TRPM3: variants seen among roughly 807,000 people sequenced by gnomAD.
The protein encoded by TRPM3 is transient receptor potential cation channel subfamily M member 3.
Under a neutral mutation model 181.2 loss-of-function variants are expected in TRPM3, and 77 were observed. The observed-to-expected ratio is 0.42, with a 90% CI of 0.35 to 0.51. The LOEUF (loss-of-function observed/expected upper bound fraction) is 0.51, where lower values mean the gene tolerates loss of function less well. Among genes scored for constraint, TRPM3 ranks in the 20% least tolerant of loss-of-function variants. The pLI is 0.01. For synonymous variants in TRPM3, 745 were observed against 796.4 expected, an observed-to-expected ratio of 0.94 and a Z score of 1.09; for missense variants, 1,759 against 2,196.7, an observed-to-expected ratio of 0.80 and a Z score of 3.98.
intron 1 of TRPM3, among the ~76,000 whole-genome samples, chr9:71,195,576 C>A (rs2078298896): frequency 6.6e-6 from 1 of 152,006 alleles, no homozygotes; most frequent in South Asian, 2.1e-4. Context: ...AAAAATAGAA[C>A]TACCATTCAA....
At chr9:71,008,253 T>C (rs1024029072) in intron 1 of TRPM3, among the ~76,000 whole-genome samples, 2 of 151,488 alleles carry the variant, frequency 1.3e-5, no homozygotes, top group Non-Finnish European at 2.9e-5. Context: ...CAATAACGAG[T>C]AACAAGAATG....
rs1182068022 is a variant in TRPM3 at position 70,692,415 on chromosome 9, C to T, written c.1273-10837G>A. On this transcript the variant is annotated intron_variant, in intron 8 of 25. Transcript: ENST00000677713. ...AGTTTGGGGCTTTTGTCATAAATTGCCTCGTAGCTAGAAATGAGTATTTTA... is the reference window on the plus strand; with the variant it reads ...AGTTTGGGGCTTTTGTCATAAATTGTCTCGTAGCTAGAAATGAGTATTTTA... Among the ~76,000 whole-genome samples the T allele has an allele frequency of 3.3e-5, 5 of 152,028 alleles. No individual in the cohort carries two copies. In the South Asian group the frequency reaches 1.0e-3, roughly 32 times the overall value.
chr9:71,203,684 T>C (rs1434114443), intron 1 of TRPM3, among the ~76,000 whole-genome samples: 3 of 152,158 alleles, frequency 2.0e-5, no homozygotes, highest in African/African-American at 7.2e-5. Context: ...TATCTACCTC[T>C]TAGGGTTGTT....
rs1011218746 is a variant in TRPM3, at chr9:70,823,771, A to C, written c.973+4076T>G. 5.2e-5 allele frequency among the ~76,000 whole-genome samples: 8 copies of C among 152,382 alleles called. 1 individual carries two copies. The South Asian group carries it at 1.2e-3, about 24-fold the overall frequency. ...ATGACTGGTACTTAGTAGGAATTCG[A>C]TAAGTATTTACTTACTAAAGGAATG... On this transcript the variant is annotated intron_variant, in intron 6 of 25. Coordinates refer to ENST00000677713, the MANE Select transcript of TRPM3 (RefSeq NM_001366145.2).
intron 1 of TRPM3, among the ~76,000 whole-genome samples, chr9:71,439,560 T>A (rs2094103470): frequency 6.6e-6 from 1 of 152,156 alleles, no homozygotes; most frequent in African/African-American, 2.4e-5. Flanking sequence ...GTTAATACAG[T>A]CTTAGATCGG....
At chr9:71,394,551 A>T (rs537649331) in intron 1 of TRPM3, among the ~76,000 whole-genome samples, 1 of 152,226 alleles carries the variant, frequency 6.6e-6, no homozygotes. Flanking sequence ...GCACAGGCAT[A>T]TAAGTCAGCC....
intron 1 of TRPM3, among the ~76,000 whole-genome samples, chr9:71,237,969 C>G (rs1005353725): frequency 2.6e-5 from 4 of 152,144 alleles, no homozygotes; most frequent in African/African-American, 9.7e-5. Context: ...CATCTTAATA[C>G]TATTGCATTG....
At position 70,532,002 on chromosome 9, in the gene TRPM3, T is replaced by G. The variant is rs1293939804; in HGVS notation, c.*3951A>C. ...TTATTGAATGTTACAGATTTATAAA[T>G]GATTATAAAGCTCTCCTGTAACGTT... On this transcript the variant is annotated 3_prime_UTR_variant, in exon 26 of 26. Coordinates refer to ENST00000677713, the MANE Select transcript of TRPM3 (RefSeq NM_001366145.2). 1 of 152,202 alleles carries G rather than the reference T, an allele frequency of 6.6e-6. No homozygotes were observed. The highest frequency in any genetic ancestry group is 2.4e-5 in the African/African-American group (1 of 41,450). 9.4% of individuals were successfully genotyped at this position (152,202 alleles called of 1,614,324 possible).
At chr9:70,749,802 G>A (rs1357421757) in intron 8 of TRPM3, among the ~76,000 whole-genome samples, 1 of 152,068 alleles carries the variant, frequency 6.6e-6, no homozygotes, top group Non-Finnish European at 1.5e-5. Flanking sequence ...TTAAATATGA[G>A]CTAACATTTC....
chr9:71,250,921 G>T (rs2082307103), intron 1 of TRPM3, among the ~76,000 whole-genome samples: 1 of 151,940 alleles, frequency 6.6e-6, no homozygotes, highest in African/African-American at 2.4e-5. Flanking sequence ...GAAGAGAGGG[G>T]GTTTGATTTT....
Position 70,535,808 on chromosome 9 carries a change from C to T in TRPM3, c.*145G>A, listed in dbSNP as rs777767846. The stretch of plus-strand genomic sequence containing the variant: ...TCTTGATCTGTGGCCCAGAAGTCAC[C>T]TTTGAGTTAACACCTCCCAAAGCAT... On this transcript the variant is annotated 3_prime_UTR_variant, in exon 26 of 26. Transcript: ENST00000677713. 1.9e-5 allele frequency: 29 copies of T among 1,498,498 alleles called. No homozygotes were observed. The highest frequency in any genetic ancestry group is 2.6e-5 in the Non-Finnish European group (29 of 1,132,324). 92.8% of individuals were successfully genotyped at this position (1,498,498 alleles called of 1,614,324 possible).
chr9:71,412,491 C>T (rs2093569908), intron 1 of TRPM3, among the ~76,000 whole-genome samples: 1 of 152,166 alleles, frequency 6.6e-6, no homozygotes, highest in Non-Finnish European at 1.5e-5. Context: ...CCAACAGACA[C>T]ATGAAAAAAT....
chr9:71,300,084 G>A (rs2086638449), intron 1 of TRPM3, among the ~76,000 whole-genome samples: 1 of 152,076 alleles, frequency 6.6e-6, no homozygotes, highest in Non-Finnish European at 1.5e-5. Flanking sequence ...GAGCTGTAAA[G>A]AACCAAGATG....
chr9:71,121,045 A>G (rs773705393), intron 1 of TRPM3, 133 bp downstream of exon 1: 9 of 779,330 alleles, frequency 1.2e-5, no homozygotes, highest in Non-Finnish European at 1.8e-5. Context: ...ACCTCTCTCC[A>G]GCCACGGACC....
At chr9:70,692,060 C>T (rs929359432) in intron 8 of TRPM3, among the ~76,000 whole-genome samples, 3 of 152,158 alleles carry the variant, frequency 2.0e-5, no homozygotes, top group Non-Finnish European at 4.4e-5. Flanking sequence ...GACACGCTTG[C>T]GGGGCTTTCT....
intron 1 of TRPM3, among the ~76,000 whole-genome samples, chr9:70,880,648 C>T (rs1014820532): frequency 5.3e-5 from 8 of 152,058 alleles, no homozygotes; most frequent in African/African-American, 1.9e-4. Flanking sequence ...TCCTGAAATG[C>T]TTTGTTCAGC....
At chr9:71,175,087 A>G (rs892218632) in intron 1 of TRPM3, among the ~76,000 whole-genome samples, 3 of 152,198 alleles carry the variant, frequency 2.0e-5, no homozygotes, top group South Asian at 2.1e-4. Context: ...GGAGGTGAAC[A>G]TGACCAGAGA....
chr9:70,962,193 G>A (rs961252080), intron 1 of TRPM3, among the ~76,000 whole-genome samples: 1 of 152,082 alleles, frequency 6.6e-6, no homozygotes, highest in Non-Finnish European at 1.5e-5. Flanking sequence ...CCAAGCTCCT[G>A]TTCAATGCCA....
intron 1 of TRPM3, among the ~76,000 whole-genome samples, chr9:71,326,314 C>T (rs2089677462): frequency 6.6e-6 from 1 of 152,150 alleles, no homozygotes; most frequent in African/African-American, 2.4e-5. Context: ...CATACATTTC[C>T]ATGTTACAGA....
Sources: gnomAD v4.1 joint callset for allele counts (sites outside exome capture counted in the v4.1 genomes callset) on GRCh38, gnomAD v4.1.1 for gene constraint, MANE v1.5 for transcripts, NCBI Gene and HGNC (gene_info 2026-07-23, HGNC 2026-07-21) for gene names.